FAAH2: variants seen among roughly 807,000 people sequenced by gnomAD.
FAAH2 encodes the protein fatty acid amide hydrolase 2.
A neutral mutation model predicts 36.9 loss-of-function variants in FAAH2; 60 were observed. That is an observed-to-expected ratio of 1.63 (90% CI 1.32 to 2.02). The LOEUF (loss-of-function observed/expected upper bound fraction) is 2.02. Among genes scored for constraint, FAAH2 ranks in the 30% most tolerant of loss-of-function variants. FAAH2 has a pLI of 0.00. For synonymous variants in FAAH2, 214 were observed against 143.8 expected (o/e 1.49, Z -3.49); for missense variants, 689 against 397.5 (o/e 1.73, Z -6.23).
chrX:57,430,446 A>C (rs1014098680), intron 7 of FAAH2, among the ~76,000 whole-genome samples: 2 of 111,657 alleles, frequency 1.8e-5, no homozygotes, highest in African/African-American at 3.2e-5. Flanking sequence ...TCTTCCCTTC[A>C]TTCAAGGGTT....
intron 7 of FAAH2, among the ~76,000 whole-genome samples, chrX:57,387,020 A>C (rs1380769207): frequency 8.9e-6 from 1 of 112,429 alleles, no homozygotes; most frequent in Non-Finnish European, 1.9e-5. Context: ...TGGTGTATGG[A>C]ATACAAGGAT....
chrX:57,275,684 C>T, the FAAH2 span, among the ~76,000 whole-genome samples: 4 of 111,418 alleles, frequency 3.6e-5, no homozygotes, highest in Non-Finnish European at 7.5e-5. Context: ...AACCATCTCA[C>T]GTGCAGGGAC....
intron 10 of FAAH2, among the ~76,000 whole-genome samples, chrX:57,452,787 A>T (rs2056808220): frequency 8.9e-6 from 1 of 112,330 alleles, no homozygotes; most frequent in Admixed American, 9.4e-5. Context: ...GTGAAAAATG[A>T]TCAAATGGCA....
At chrX:57,468,538 G>T (rs2057094919) in intron 10 of FAAH2, among the ~76,000 whole-genome samples, 1 of 111,551 alleles carries the variant, frequency 9.0e-6, no homozygotes, top group Non-Finnish European at 1.9e-5. Context: ...GAGAACAGAA[G>T]TTTACAGAAA....
At chrX:57,187,081 G>A in the FAAH2 span, among the ~76,000 whole-genome samples, 1 of 111,624 alleles carries the variant, frequency 9.0e-6, no homozygotes, top group East Asian at 2.8e-4. Context: ...ATGTAAAGTA[G>A]TTTTTTCTAG....
chrX:57,143,246 C>T, the FAAH2 span, among the ~76,000 whole-genome samples: 18 of 109,470 alleles, frequency 1.6e-4, no homozygotes, highest in Non-Finnish European at 3.2e-4. Flanking sequence ...ATCTTAATTC[C>T]TTGCTTTATA....
At chrX:57,345,528 T>C (rs2053799318) in intron 5 of FAAH2, among the ~76,000 whole-genome samples, 1 of 111,102 alleles carries the variant, frequency 9.0e-6, no homozygotes, top group Non-Finnish European at 1.9e-5. Flanking sequence ...TTTTTTTTTC[T>C]TTGTTAATCT....
chrX:57,438,177 G>T (rs2056456670), intron 8 of FAAH2, among the ~76,000 whole-genome samples: 1 of 104,597 alleles, frequency 9.6e-6, no homozygotes, highest in Non-Finnish European at 1.9e-5. Context: ...ATACACAGTA[G>T]TTTGTAGTTT....
chrX:57,207,695 C>G, the FAAH2 span, among the ~76,000 whole-genome samples: 2 of 112,420 alleles, frequency 1.8e-5, no homozygotes, highest in South Asian at 3.7e-4. Context: ...ATCAATGACT[C>G]CTGTTTGTAC....
intron 7 of FAAH2, among the ~76,000 whole-genome samples, chrX:57,430,051 G>T (rs1441804120): frequency 9.0e-6 from 1 of 111,232 alleles, no homozygotes; most frequent in Non-Finnish European, 1.9e-5. Context: ...GGATCAGAGG[G>T]GGTGAAGGAT....
intron 7 of FAAH2, among the ~76,000 whole-genome samples, chrX:57,412,297 C>A (rs1234421792): frequency 9.0e-6 from 1 of 111,379 alleles, no homozygotes; most frequent in African/African-American, 3.3e-5. Flanking sequence ...TAGGTATACA[C>A]ATGCCATGGT....
chrX:57,265,626 G>A, the FAAH2 span, among the ~76,000 whole-genome samples: 1 of 111,621 alleles, frequency 9.0e-6, no homozygotes, highest in Non-Finnish European at 1.9e-5. Flanking sequence ...TCACTTGGGG[G>A]GTAACTCCCA....
chrX:57,489,052 C>G lies in FAAH2; in HGVS notation c.*120C>G. On this transcript the variant is annotated 3_prime_UTR_variant, in exon 11 of 11. Coordinates refer to ENST00000374900, the MANE Select transcript of FAAH2 (RefSeq NM_174912.4). ...GAGAAACAACTGGGGAATTTATTGA[C>G]TCATTTAGTTATTCTTTCTACTTTT... 1.4e-6 allele frequency: 1 copy of G among 714,678 alleles called. No individual in the cohort carries two copies. The allele number at this position is 714,678 out of a possible 1,213,427, so 58.9% of individuals were successfully genotyped here. A position where few individuals can be genotyped will look rare whatever the true frequency, so the allele number is the denominator to read the frequency against.
intron 10 of FAAH2, among the ~76,000 whole-genome samples, chrX:57,479,941 T>A (rs182779666): frequency 1.8e-5 from 2 of 111,268 alleles, no homozygotes; most frequent in Admixed American, 1.9e-4. Context: ...TCACCACCAA[T>A]CCCACAGGAA....
chrX:57,163,299 T>C, the FAAH2 span, among the ~76,000 whole-genome samples: 1 of 112,224 alleles, frequency 8.9e-6, no homozygotes. Context: ...CTGCAGAAGT[T>C]ACTGCTGTCT....
At chrX:57,150,567 A>T in the FAAH2 span, among the ~76,000 whole-genome samples, 1 of 111,799 alleles carries the variant, frequency 8.9e-6, no homozygotes, top group Admixed American at 9.5e-5. Context: ...GTTTTATCAG[A>T]GACTAGGATT....
At chrX:57,177,158 C>G in the FAAH2 span, among the ~76,000 whole-genome samples, 2 of 110,910 alleles carry the variant, frequency 1.8e-5, no homozygotes, top group Non-Finnish European at 3.8e-5. Context: ...CCATCCTTGA[C>G]AGAGGTGTCT....
chrX:57,389,799 T>G (rs1266139914), intron 7 of FAAH2, among the ~76,000 whole-genome samples: 1 of 110,862 alleles, frequency 9.0e-6, no homozygotes, highest in East Asian at 2.8e-4. Context: ...CTGTACAAAT[T>G]TACATTTCTA....
rs765080037 is a variant in FAAH2 at position 57,454,097 on chromosome X, C to T, written c.1423+5379C>T. Among the ~76,000 whole-genome samples, 4 of 97,044 alleles carry T rather than the reference C, an allele frequency of 4.1e-5. No individual in the cohort carries two copies. The East Asian group carries it at 1.1e-3, about 26-fold the overall frequency. The allele number at this position is 97,044 out of a possible 115,157, so 84.3% of individuals were successfully genotyped here. On this transcript the variant is annotated intron_variant, in intron 10 of 10. Transcript: ENST00000374900. ...CCACACCACAGAGGACTACTGTCAT[C>T]TTGGCCAGAACACCGAAGAGCCCTG... is the stretch of plus-strand genomic sequence containing the variant.
Sources: gnomAD v4.1 joint callset for allele counts (sites outside exome capture counted in the v4.1 genomes callset) on GRCh38, gnomAD v4.1.1 for gene constraint, MANE v1.5 for transcripts, NCBI Gene and HGNC (gene_info 2026-07-23, HGNC 2026-07-21) for gene names.